GLI3: variants seen among roughly 807,000 people sequenced by gnomAD.
The protein encoded by GLI3 is GLI family zinc finger 3, also known as transcription activator GLI3.
Under a neutral mutation model 100.8 loss-of-function variants are expected in GLI3, and 20 were observed. That is an observed-to-expected ratio of 0.20 (90% CI 0.14 to 0.29). The LOEUF is 0.29. Among genes scored for constraint, GLI3 ranks in the 10% least tolerant of loss-of-function variants. The probability of loss-of-function intolerance (pLI) is 1.00; values close to 1 mark genes in which losing one functional copy is unlikely to be tolerated. For synonymous variants in GLI3, 938 were observed against 860.5 expected (o/e 1.09, Z -1.58); for missense variants, 2,040 against 2,128.5 (o/e 0.96, Z 0.82).
Position 42,026,310 on chromosome 7 carries a change from G to T in GLI3, c.1131C>A (p.Ser377Arg), listed in dbSNP as rs1246885829. 6.2e-7 allele frequency: 1 copy of T among 1,613,922 alleles called. No individual in the cohort carries two copies. Among genetic ancestry groups the T allele is most frequent in the African/African-American group, 1.3e-5 (1 of 75,050 alleles). ...TTGGGGCAGGGTGGATGAGTGGAGGGCTGTGTCCAAAGGCTGAACCTAAGC... is the reference window on the plus strand; with the variant it reads ...TTGGGGCAGGGTGGATGAGTGGAGGTCTGTGTCCAAAGGCTGAACCTAAGC... ...QQSLGSAFGH[S>R]PPLIHPAPTF... is the part of the protein sequence containing the mutation. Residue 377 changes from serine (S) to arginine (R), a missense_variant, in exon 8 of 15, where the codon AGC (serine) becomes AGA (arginine). Around this residue, in one of 5 missense-constraint regions of GLI3, gnomAD observed 603 missense variants for 690.9 expected, o/e 0.87. Transcript: ENST00000395925.
intron 3 of GLI3, among the ~76,000 whole-genome samples, chr7:42,141,443 G>A (rs761465004): frequency 3.9e-5 from 6 of 152,162 alleles, no homozygotes; most frequent in African/African-American, 7.2e-5. Flanking sequence ...AGGCTTAGGC[G>A]GACGGATCAC....
chr7:42,186,078 A>G (rs193108047), intron 2 of GLI3, among the ~76,000 whole-genome samples: 10 of 152,330 alleles, frequency 6.6e-5, no homozygotes, highest in Admixed American at 5.9e-4. Flanking sequence ...GTGGCTCAGC[A>G]TATGAGAACC....
At chr7:42,166,650 C>CTT (rs1203814510) in intron 2 of GLI3, among the ~76,000 whole-genome samples, 51 of 80,276 alleles carry the variant, frequency 6.4e-4, no homozygotes, top group African/African-American at 1.0e-3. Context: ...GTTCTGATTC[C>CTT]TTTTTTTTTT....
chr7:42,112,638 A>C (rs543504423), intron 3 of GLI3, among the ~76,000 whole-genome samples: 79 of 152,290 alleles, frequency 5.2e-4, no homozygotes, highest in Non-Finnish European at 8.8e-4. Flanking sequence ...AAAATTTTTT[A>C]AATTAAATAT....
At chr7:42,102,710 C>T (rs529159675) in intron 3 of GLI3, among the ~76,000 whole-genome samples, 2 of 152,282 alleles carry the variant, frequency 1.3e-5, no homozygotes, top group African/African-American at 4.8e-5. Flanking sequence ...TGCTATAAGA[C>T]GTAAATTATC....
chr7:42,239,954 AC>A (rs1416339098), upstream of GLI3, among the ~76,000 whole-genome samples: 1 of 152,218 alleles, frequency 6.6e-6, no homozygotes, highest in Admixed American at 6.5e-5. Flanking sequence ...ATTAAATCTT[AC>A]GTAGAATCCC....
chr7:42,190,869 G>A (rs1475952721), intron 2 of GLI3, among the ~76,000 whole-genome samples: 1 of 151,752 alleles, frequency 6.6e-6, no homozygotes, highest in African/African-American at 2.4e-5. Context: ...GAAATATTAT[G>A]AAAAAACATA....
intron 4 of GLI3, among the ~76,000 whole-genome samples, chr7:42,055,050 TACAC>T (rs1199287626): frequency 0.036 from 5,127 of 144,000 alleles, 128 homozygotes; most frequent in Non-Finnish European, 0.053. Flanking sequence ...CATATATATA[TACAC>T]ACACATATAT....
At chr7:42,236,742 CGGTCCGCG>C (rs1340664590) in intron 1 of GLI3, among the ~76,000 whole-genome samples, 1 of 152,228 alleles carries the variant, frequency 6.6e-6, no homozygotes, top group African/African-American at 2.4e-5. Flanking sequence ...CGTCTCCGGC[CGGTCCGCG>C]GGTCGGACTC....
At chr7:41,988,958 T>C (rs1787904140) in intron 10 of GLI3, among the ~76,000 whole-genome samples, 9 of 152,202 alleles carry the variant, frequency 5.9e-5, no homozygotes, top group Admixed American at 5.9e-4. Context: ...TTAAGTCCTA[T>C]TGTGATTTTA....
At chr7:42,108,898 C>T (rs1785638532) in intron 3 of GLI3, among the ~76,000 whole-genome samples, 1 of 152,122 alleles carries the variant, frequency 6.6e-6, no homozygotes, top group Non-Finnish European at 1.5e-5. Flanking sequence ...ATCCCACCCT[C>T]CACCAGCAGT....
At chr7:42,016,546 T>C (rs556057292) in intron 10 of GLI3, among the ~76,000 whole-genome samples, 4 of 152,308 alleles carry the variant, frequency 2.6e-5, no homozygotes, top group South Asian at 2.1e-4. Flanking sequence ...TTTTATGTGG[T>C]AAAAGTCACT....
At chr7:42,023,645 G>C (rs1207036661) in intron 9 of GLI3, 37 bp from the exon 10 acceptor site, 2 of 1,593,386 alleles carry the variant, frequency 1.3e-6, no homozygotes, top group Non-Finnish European at 1.7e-6. Context: ...AACAGAGAAG[G>C]GGGAAGAATC....
intron 2 of GLI3, among the ~76,000 whole-genome samples, chr7:42,153,098 G>A (rs1786914898): frequency 6.6e-6 from 1 of 152,212 alleles, no homozygotes; most frequent in Non-Finnish European, 1.5e-5. Flanking sequence ...GGAAGAAACA[G>A]GCTAATGGTG....
At chr7:42,237,616 T>C (rs1788841160), upstream of GLI3, among the ~76,000 whole-genome samples, 1 of 150,872 alleles carries the variant, frequency 6.6e-6, no homozygotes, top group Non-Finnish European at 1.5e-5. Flanking sequence ...TTAACAGATG[T>C]TGCCGGACTC....
intron 5 of GLI3, among the ~76,000 whole-genome samples, chr7:42,048,256 G>A (rs183107337): frequency 6.8e-4 from 104 of 152,198 alleles, no homozygotes; most frequent in African/African-American, 2.3e-3. Flanking sequence ...GATTGACTGC[G>A]TTGCAAGTAA....
upstream of GLI3, among the ~76,000 whole-genome samples, chr7:42,238,259 T>A (rs888285491): frequency 1.3e-5 from 2 of 152,008 alleles, no homozygotes; most frequent in Non-Finnish European, 2.9e-5. Flanking sequence ...GCGTCCTGTC[T>A]GCTCCCATCT....
chr7:42,222,180 T>A (rs1562791581), intron 2 of GLI3, among the ~76,000 whole-genome samples: 1 of 152,158 alleles, frequency 6.6e-6, no homozygotes, highest in East Asian at 1.9e-4. Flanking sequence ...ACTCTCTAGG[T>A]GGATGTAAAA....
At chr7:42,039,609 T>C (rs575967057) in intron 7 of GLI3, among the ~76,000 whole-genome samples, 1 of 152,364 alleles carries the variant, frequency 6.6e-6, no homozygotes, top group South Asian at 2.1e-4. Context: ...GACTCCTTTC[T>C]CTTCAGAGTT....
Sources: gnomAD v4.1 joint callset for allele counts (sites outside exome capture counted in the v4.1 genomes callset) on GRCh38, gnomAD v4.1.1 for gene constraint, gnomAD v4.1.1 regional missense constraint, MANE v1.5 for transcripts, NCBI Gene and HGNC (gene_info 2026-07-23, HGNC 2026-07-21) for gene names.